The following PFKFB3 variants were observed in gnomAD, a reference collection of about 807,000 sequenced individuals.
PFKFB3 encodes 6-phosphofructo-2-kinase/fructose-2,6-bisphosphatase 3.
In PFKFB3, 33 loss-of-function variants were observed where a neutral mutation model predicts 68.0. The ratio of observed to expected loss-of-function variants is 0.49; its 90% CI spans 0.37 to 0.65. The LOEUF (loss-of-function observed/expected upper bound fraction) is 0.65, where lower values mean the gene tolerates loss of function less well. PFKFB3 is among the 30% of genes least tolerant of loss of function. The pLI, the probability that PFKFB3 is intolerant of heterozygous loss-of-function variation, is 0.00. For synonymous variants in PFKFB3, 315 were observed against 288.2 expected (o/e 1.09, Z -0.94); for missense variants, 586 against 712.2 (o/e 0.82, Z 2.02).
chr10:6,300,171 AC>A, the PFKFB3 span, among the ~76,000 whole-genome samples: 1 of 150,844 alleles, frequency 6.6e-6, no homozygotes, highest in Non-Finnish European at 1.5e-5. Flanking sequence ...GATGCGAGTC[AC>A]TCCAGGGCAG....
downstream of PFKFB3, among the ~76,000 whole-genome samples, chr10:6,240,530 C>T (rs938701836): frequency 6.6e-6 from 1 of 152,148 alleles, no homozygotes; most frequent in Admixed American, 6.5e-5. Flanking sequence ...TCACAATGTG[C>T]TGGGATTACA....
chr10:6,223,589 G>A (rs531758136), intron 11 of PFKFB3, among the ~76,000 whole-genome samples: 1 of 152,258 alleles, frequency 6.6e-6, no homozygotes, highest in South Asian at 2.1e-4. Context: ...TGGGGGGACC[G>A]TAAAGGTCTT....
chr10:6,309,934 T>C, the PFKFB3 span, among the ~76,000 whole-genome samples: 1 of 152,196 alleles, frequency 6.6e-6, no homozygotes, highest in Non-Finnish European at 1.5e-5. Flanking sequence ...AGGAAATGAA[T>C]TACTTTATAT....
intron 1 of PFKFB3, among the ~76,000 whole-genome samples, chr10:6,158,456 C>G (rs1332301545): frequency 2.0e-5 from 3 of 152,172 alleles, no homozygotes; most frequent in Non-Finnish European, 4.4e-5. Flanking sequence ...AGCCTGATGG[C>G]TTTCAGTGTT....
At chr10:6,294,503 C>T in the PFKFB3 span, 1 of 215,846 alleles carries the variant, frequency 4.6e-6, no homozygotes, top group Non-Finnish European at 9.4e-6. Context: ...ATCACAAGAA[C>T]AGCATGGGAA....
At chr10:6,156,840 C>T (rs1564586991) in intron 1 of PFKFB3, among the ~76,000 whole-genome samples, 1 of 151,972 alleles carries the variant, frequency 6.6e-6, no homozygotes, top group Non-Finnish European at 1.5e-5. Context: ...GCCTGTAATC[C>T]CAGCACTTTG....
the PFKFB3 span, among the ~76,000 whole-genome samples, chr10:6,285,502 G>A: frequency 1.3e-5 from 2 of 152,032 alleles, no homozygotes; most frequent in Admixed American, 1.3e-4. Flanking sequence ...CAAAGTGCTG[G>A]GATTACAGGC....
chr10:6,174,848 C>G (rs544895692), intron 1 of PFKFB3, among the ~76,000 whole-genome samples: 1 of 150,490 alleles, frequency 6.6e-6, no homozygotes, highest in South Asian at 2.1e-4. Flanking sequence ...TACGGAGTCT[C>G]ACTCTCATGT....
intron 1 of PFKFB3, among the ~76,000 whole-genome samples, chr10:6,204,645 A>T (rs972733197): frequency 6.6e-6 from 1 of 151,956 alleles, no homozygotes; most frequent in Non-Finnish European, 1.5e-5. Context: ...GGACTGGGGG[A>T]TGTGGGTGTG....
At chr10:6,203,784 A>G (rs1053446552) in intron 1 of PFKFB3, among the ~76,000 whole-genome samples, 2 of 151,726 alleles carry the variant, frequency 1.3e-5, no homozygotes, top group East Asian at 1.9e-4. Flanking sequence ...ATGCATTCCT[A>G]TCCCCTCGCT....
At position 6,203,350 on chromosome 10, in the gene PFKFB3, C is replaced by T; in HGVS notation, c.76+14C>T. On this transcript the variant is annotated intron_variant, in intron 1 of 14. Transcript: ENST00000379775. ...CGTTGCCCAGATGTGAGTGCAGCTGCGCGGAGCCGGGTTGCAGGGCGGGCT... is the reference window on the plus strand; with the variant it reads ...CGTTGCCCAGATGTGAGTGCAGCTGTGCGGAGCCGGGTTGCAGGGCGGGCT... 2 of 1,588,156 alleles carry T rather than the reference C, an allele frequency of 1.3e-6. No homozygotes were observed. The highest frequency in any genetic ancestry group is 1.7e-6 in the Non-Finnish European group (2 of 1,165,864).
At chr10:6,280,992 A>G in the PFKFB3 span, among the ~76,000 whole-genome samples, 38,723 of 149,646 alleles carry the variant, frequency 0.26, 5,056 homozygotes, top group African/African-American at 0.28. Flanking sequence ...AGTCCATTGT[A>G]TCATTCTTAT....
At chr10:6,319,043 G>A in the PFKFB3 span, among the ~76,000 whole-genome samples, 1 of 152,138 alleles carries the variant, frequency 6.6e-6, no homozygotes, top group African/African-American at 2.4e-5. Context: ...ATTCTCGGGA[G>A]GAAGACTTTG....
At chr10:6,320,158 G>A in the PFKFB3 span, among the ~76,000 whole-genome samples, 1 of 152,124 alleles carries the variant, frequency 6.6e-6, no homozygotes, top group African/African-American at 2.4e-5. Context: ...CTGTGATCAT[G>A]TCACTGCACT....
intron 13 of PFKFB3, among the ~76,000 whole-genome samples, chr10:6,225,697 C>T (rs1241522860): frequency 1.4e-5 from 2 of 144,392 alleles, no homozygotes; most frequent in Non-Finnish European, 3.1e-5. Context: ...GCCTCCGTGC[C>T]CCATCCTAAG....
downstream of PFKFB3, among the ~76,000 whole-genome samples, chr10:6,255,589 T>A (rs1846483206): frequency 6.6e-6 from 1 of 151,892 alleles, no homozygotes; most frequent in African/African-American, 2.4e-5. Context: ...AGGAATAGAG[T>A]GTACTTTTCT....
chr10:6,222,221 C>A (rs1845016225), intron 10 of PFKFB3, among the ~76,000 whole-genome samples: 1 of 152,172 alleles, frequency 6.6e-6, no homozygotes, highest in South Asian at 2.1e-4. Flanking sequence ...TGTCCTCTGG[C>A]CTCAGACTAA....
rs1389299067 is a variant in PFKFB3 at position 6,228,072 on chromosome 10, G to A, written c.1515+1707G>A. 1 of 980,584 alleles carries A rather than the reference G, an allele frequency of 1.0e-6. No homozygotes were observed. Among genetic ancestry groups the A allele is most frequent in the African/African-American group, 1.6e-5 (1 of 62,690 alleles). 60.7% of individuals were successfully genotyped at this position (980,584 alleles called of 1,614,324 possible). ...GGCGTTGGGAGGACAGTCCTTCAGG[G>A]TGGCCAGGTTCTTAGGGACGTCTGA... On this transcript the variant is annotated intron_variant, in intron 14 of 14. Coordinates refer to ENST00000379775, the MANE Select transcript of PFKFB3 (RefSeq NM_004566.4). The surrounding 1 kb of genome is among the most constrained non-coding windows in gnomAD (Gnocchi z 4.5).
the PFKFB3 span, among the ~76,000 whole-genome samples, chr10:6,275,409 CCATGCCAGGAAGTAGCTGACACTG>C: frequency 6.6e-6 from 1 of 152,322 alleles, no homozygotes; most frequent in South Asian, 2.1e-4. This position sits in a 1 kb window ranked among gnomAD's most constrained non-coding sequence, Gnocchi z 4.9. Flanking sequence ...AGCTGACACT[CCATGCCAGGAAGTAGCTGACACTG>C]CATGCCGGGA....
Sources: gnomAD v4.1 joint callset for allele counts (sites outside exome capture counted in the v4.1 genomes callset) on GRCh38, gnomAD v4.1.1 for gene constraint, Gnocchi (gnomAD v3.1) non-coding constraint, MANE v1.5 for transcripts, NCBI Gene and HGNC (gene_info 2026-07-23, HGNC 2026-07-21) for gene names.